The following NCKAP5 variants were observed in gnomAD, a reference collection of about 807,000 sequenced individuals.
NCKAP5 encodes nck-associated protein 5.
NCKAP5 carries 92 observed loss-of-function variants against 167.0 expected under a neutral mutation model. That is an observed-to-expected ratio of 0.55 (90% CI 0.47 to 0.66). The LOEUF (loss-of-function observed/expected upper bound fraction) is 0.66, where lower values mean the gene tolerates loss of function less well. Ranked by LOEUF, NCKAP5 falls within the 30% of genes least tolerant of loss-of-function variation. NCKAP5 has a pLI of 0.00. For synonymous variants in NCKAP5, 891 were observed against 877.4 expected, an observed-to-expected ratio of 1.02 and a Z score of -0.27; for missense variants, 2,378 against 2,315.0, an observed-to-expected ratio of 1.03 and a Z score of -0.56.
chr2:133,611,920 G>T, the NCKAP5 span, among the ~76,000 whole-genome samples: 1 of 152,144 alleles, frequency 6.6e-6, no homozygotes, highest in Non-Finnish European at 1.5e-5. Context: ...AAATATGGAT[G>T]TACTTTGGAC....
chr2:133,547,257 C>A (rs572155981), intron 2 of NCKAP5, among the ~76,000 whole-genome samples: 2 of 152,272 alleles, frequency 1.3e-5, no homozygotes, highest in East Asian at 3.9e-4. Context: ...ACTGCTAGCA[C>A]AGCAGTCTGA....
At chr2:133,490,463 G>C (rs1681343280) in intron 3 of NCKAP5, among the ~76,000 whole-genome samples, 1 of 152,182 alleles carries the variant, frequency 6.6e-6, no homozygotes, top group African/African-American at 2.4e-5. Context: ...ATGTTATGTG[G>C]AGAAAAGTAC....
At chr2:133,467,209 T>C (rs1192745661) in intron 3 of NCKAP5, among the ~76,000 whole-genome samples, 2 of 151,172 alleles carry the variant, frequency 1.3e-5, no homozygotes, top group East Asian at 3.9e-4. Context: ...ATTGAGAGTT[T>C]TTAGCATGAA....
chr2:133,436,263 A>G (rs1466236447), intron 3 of NCKAP5, among the ~76,000 whole-genome samples: 1 of 152,212 alleles, frequency 6.6e-6, no homozygotes, highest in Non-Finnish European at 1.5e-5. Context: ...AAATATGGCC[A>G]GAACCTGGAT....
At chr2:133,625,112 TTC>T in the NCKAP5 span, among the ~76,000 whole-genome samples, 2 of 152,218 alleles carry the variant, frequency 1.3e-5, no homozygotes, top group South Asian at 4.1e-4. Flanking sequence ...ATGGTTGCTA[TTC>T]TGAGACTATT....
chr2:132,902,688 G>A (rs148736279), intron 8 of NCKAP5, among the ~76,000 whole-genome samples: 5 of 152,330 alleles, frequency 3.3e-5, no homozygotes, highest in East Asian at 1.9e-4. Flanking sequence ...AAGAATCGCC[G>A]TGAGGCCTCT....
At chr2:133,332,384 T>C (rs534419742) in intron 3 of NCKAP5, among the ~76,000 whole-genome samples, 19 of 152,214 alleles carry the variant, frequency 1.2e-4, no homozygotes, top group African/African-American at 4.1e-4. Flanking sequence ...CACTACCTCA[T>C]TTTTAGAATC....
chr2:132,951,237 G>T (rs909007563), intron 8 of NCKAP5, among the ~76,000 whole-genome samples: 8 of 152,192 alleles, frequency 5.3e-5, no homozygotes, highest in Non-Finnish European at 7.3e-5. Flanking sequence ...TACTGACTCT[G>T]AAAGGGAGGC....
At chr2:133,367,237 G>C (rs1045025823) in intron 3 of NCKAP5, among the ~76,000 whole-genome samples, 2 of 152,114 alleles carry the variant, frequency 1.3e-5, no homozygotes, top group African/African-American at 4.8e-5. Context: ...TGGTATCATG[G>C]AACCTAAGAA....
At chr2:132,855,886 T>G (rs913545084) in intron 11 of NCKAP5, among the ~76,000 whole-genome samples, 1 of 152,198 alleles carries the variant, frequency 6.6e-6, no homozygotes. Flanking sequence ...GTATAATGGT[T>G]GGGTGCAATG....
At chr2:133,117,450 T>C (rs1219897972) in intron 6 of NCKAP5, 1 of 152,170 alleles carries the variant, frequency 6.6e-6, no homozygotes, top group Non-Finnish European at 1.5e-5. Context: ...TTTCCTGAAC[T>C]GGGGTTTGGG....
chr2:133,574,306 C>T, the NCKAP5 span, among the ~76,000 whole-genome samples: 5 of 152,178 alleles, frequency 3.3e-5, no homozygotes, highest in Non-Finnish European at 4.4e-5. Context: ...CAGACGACCA[C>T]GCTAGGATGT....
intron 8 of NCKAP5, among the ~76,000 whole-genome samples, chr2:132,924,090 A>C (rs1695657269): frequency 1.3e-5 from 2 of 152,188 alleles, no homozygotes; most frequent in South Asian, 2.1e-4. Flanking sequence ...TGCCCAGAGA[A>C]GCCCCCTTGG....
intron 4 of NCKAP5, 30 bp downstream of exon 4, chr2:133,303,007 C>A: frequency 2.0e-6 from 3 of 1,520,464 alleles, no homozygotes; most frequent in Non-Finnish European, 1.8e-6. Context: ...GCTACCTGAG[C>A]AAGCAAATAA....
intron 3 of NCKAP5, among the ~76,000 whole-genome samples, chr2:133,353,009 G>A (rs769810775): frequency 6.6e-6 from 1 of 152,206 alleles, no homozygotes; most frequent in Non-Finnish European, 1.5e-5. Flanking sequence ...CTTGTTAGAA[G>A]CTGAAGCCTG....
intron 16 of NCKAP5, among the ~76,000 whole-genome samples, chr2:132,762,613 C>T (rs1326167315): frequency 3.3e-5 from 5 of 152,284 alleles, no homozygotes; most frequent in African/African-American, 4.8e-5. Flanking sequence ...GGTTAATTCA[C>T]GCCACCTCGT....
chr2:132,869,842 T>C (rs1347436614), intron 9 of NCKAP5, among the ~76,000 whole-genome samples: 1 of 152,222 alleles, frequency 6.6e-6, no homozygotes, highest in African/African-American at 2.4e-5. Context: ...AGCTTGGTCC[T>C]GATGATGTTA....
rs149042510 is a variant in NCKAP5, at chr2:132,751,636, C to T, written c.5129-19585G>A. Among the ~76,000 whole-genome samples the T allele has an allele frequency of 2.7e-3, 418 of 152,292 alleles. 13 individuals carry two copies. Among genetic ancestry groups the T allele is most frequent in the Admixed American group, 0.025 (376 of 15,304 alleles). On this transcript the variant is annotated intron_variant, in intron 16 of 19. Coordinates refer to ENST00000409261, the MANE Select transcript of NCKAP5 (RefSeq NM_207363.3). Reference sequence around the variant, plus strand: ...TTTCAAGGCCTCCATCATCCTGGGACACTTCATTCAACTTAGCAGGGTTCC... The same window carrying T: ...TTTCAAGGCCTCCATCATCCTGGGATACTTCATTCAACTTAGCAGGGTTCC...
At chr2:132,718,614 T>C (rs1689606735) in intron 19 of NCKAP5, among the ~76,000 whole-genome samples, 2 of 152,212 alleles carry the variant, frequency 1.3e-5, no homozygotes, top group East Asian at 1.9e-4. Context: ...GGATTCATCA[T>C]TTTTCTCTAG....
Sources: gnomAD v4.1 joint callset for allele counts (sites outside exome capture counted in the v4.1 genomes callset) on GRCh38, gnomAD v4.1.1 for gene constraint, MANE v1.5 for transcripts, NCBI Gene and HGNC (gene_info 2026-07-23, HGNC 2026-07-21) for gene names.